The following COL23A1 variants were observed in gnomAD, a reference collection of about 807,000 sequenced individuals.
COL23A1 encodes the protein collagen type XXIII alpha 1 chain, also known as collagen alpha-1(XXIII) chain.
COL23A1 carries 97 observed loss-of-function variants against 99.3 expected under a neutral mutation model. The observed-to-expected ratio is 0.98, with a 90% confidence interval of 0.83 to 1.16. The LOEUF (loss-of-function observed/expected upper bound fraction) is 1.16. COL23A1 is among the 50% of genes most tolerant of loss of function. The probability of loss-of-function intolerance (pLI) is 0.00; values close to 1 mark genes in which losing one functional copy is unlikely to be tolerated. For synonymous variants in COL23A1, 320 were observed against 308.2 expected (o/e 1.04, Z -0.40); for missense variants, 762 against 757.4 (o/e 1.01, Z -0.07).
rs911196988 is a variant in COL23A1 at position 178,374,227 on chromosome 5, C to T, written c.362-67308G>A. 7.9e-5 allele frequency among the ~76,000 whole-genome samples: 12 copies of T among 152,250 alleles called. 1 individual carries two copies. The highest frequency in any genetic ancestry group is 2.6e-4 in the African/African-American group (11 of 41,534). On this transcript the variant is annotated intron_variant, in intron 2 of 28. Transcript: ENST00000390654. The stretch of plus-strand genomic sequence containing the variant: ...ATGCTCCGTGATAACCTGAGCCAAT[C>T]TTTGCTCCTCCCAGCCTCTGCACAC...
intron 2 of COL23A1, among the ~76,000 whole-genome samples, chr5:178,426,030 G>T (rs1056182768): frequency 6.6e-6 from 1 of 151,958 alleles, no homozygotes; most frequent in Non-Finnish European, 1.5e-5. Context: ...CTCCACAGCA[G>T]GGGGGGCAAC....
intron 2 of COL23A1, among the ~76,000 whole-genome samples, chr5:178,361,491 TCTC>T (rs2127703509): frequency 6.6e-6 from 1 of 152,078 alleles, no homozygotes; most frequent in South Asian, 2.1e-4. Context: ...TCTCCTCATG[TCTC>T]CTCACCATTC....
intron 2 of COL23A1, among the ~76,000 whole-genome samples, chr5:178,320,864 G>C (rs993407318): frequency 1.3e-5 from 2 of 152,194 alleles, no homozygotes; most frequent in African/African-American, 4.8e-5. Flanking sequence ...GGGGCCTTCT[G>C]TGGGCCTGGA....
chr5:178,266,800 C>G (rs1308445507), intron 8 of COL23A1, among the ~76,000 whole-genome samples: 2 of 152,240 alleles, frequency 1.3e-5, no homozygotes, highest in African/African-American at 4.8e-5. Flanking sequence ...AAGCTGCAGC[C>G]CCGCTCTCCG....
chr5:178,284,892 A>G (rs1757075968), intron 5 of COL23A1, among the ~76,000 whole-genome samples: 1 of 152,250 alleles, frequency 6.6e-6, no homozygotes. Flanking sequence ...GCAAACTTGG[A>G]TATAAGAAAT....
Position 178,468,778 on chromosome 5 carries a change from A to G in COL23A1, c.361+91904T>C, listed in dbSNP as rs2127925127. ...AAATATGCATAACATACAATTTCCC[A>G]TCTTCACCATTTTTACGGGTACAGC... On this transcript the variant is annotated intron_variant, in intron 2 of 28. Transcript: ENST00000390654. The surrounding 1 kb of genome is among the most constrained non-coding windows in gnomAD (Gnocchi z 4.2). 6.6e-6 allele frequency among the ~76,000 whole-genome samples: 1 copy of G among 152,334 alleles called. No individual in the cohort carries two copies. The highest frequency in any genetic ancestry group is 2.1e-4 in the South Asian group (1 of 4,828).
At chr5:178,406,297 T>C (rs1281951471) in intron 2 of COL23A1, among the ~76,000 whole-genome samples, 1 of 152,180 alleles carries the variant, frequency 6.6e-6, no homozygotes, top group Non-Finnish European at 1.5e-5. Context: ...TGAGGGATAC[T>C]GAGAAGGCAA....
intron 1 of COL23A1, among the ~76,000 whole-genome samples, chr5:178,585,680 A>T (rs2647707): frequency 1.3e-3 from 139 of 109,796 alleles, no homozygotes; most frequent in Middle Eastern, 6.2e-3. Context: ...ACAGCCCTGG[A>T]TGGCGCTGGG....
chr5:178,455,116 T>C (rs1339856589), intron 2 of COL23A1, among the ~76,000 whole-genome samples: 4 of 152,244 alleles, frequency 2.6e-5, no homozygotes, highest in Non-Finnish European at 5.9e-5. Flanking sequence ...TTCATTTAAC[T>C]CATTACATCT....
intron 2 of COL23A1, among the ~76,000 whole-genome samples, chr5:178,419,274 G>A (rs1415223746): frequency 6.6e-6 from 1 of 152,200 alleles, no homozygotes; most frequent in Non-Finnish European, 1.5e-5. Context: ...TTCTCGTCAA[G>A]GTTGACATTG....
chr5:178,569,795 C>T (rs1762999315), intron 1 of COL23A1, among the ~76,000 whole-genome samples: 1 of 152,124 alleles, frequency 6.6e-6, no homozygotes, highest in South Asian at 2.1e-4. Flanking sequence ...CTCTCAGTTC[C>T]CAGAGGCAGC....
At chr5:178,536,068 G>A (rs918889765) in intron 2 of COL23A1, among the ~76,000 whole-genome samples, 16 of 152,274 alleles carry the variant, frequency 1.1e-4, no homozygotes, top group African/African-American at 3.9e-4. Context: ...GATCTGGTCT[G>A]CCAGAGGCTG....
rs55752205 is a variant in COL23A1, at chr5:178,384,470, C to T, written c.362-77551G>A. Among the ~76,000 whole-genome samples the T allele has an allele frequency of 0.13, 20,283 of 152,170 alleles. 1,660 individuals carry two copies. The highest frequency in any genetic ancestry group is 0.27 in the South Asian group (1,289 of 4,812). On this transcript the variant is annotated intron_variant, in intron 2 of 28. Transcript: ENST00000390654. The surrounding 1 kb of genome is among the most constrained non-coding windows in gnomAD (Gnocchi z 5.5). Reference sequence around the variant, plus strand: ...AGACCTCTCCTCCCTGCCCACCCCTCCCTCGGCTTTTTGGAGGCCACGTGG... The same window carrying T: ...AGACCTCTCCTCCCTGCCCACCCCTTCCTCGGCTTTTTGGAGGCCACGTGG...
At chr5:178,432,160 A>G (rs556456288) in intron 2 of COL23A1, among the ~76,000 whole-genome samples, 3 of 152,350 alleles carry the variant, frequency 2.0e-5, no homozygotes, top group African/African-American at 7.2e-5. Context: ...AGCATTCTTC[A>G]AGGTAACTTA....
chr5:178,243,236 C>T (rs923173333), intron 25 of COL23A1, among the ~76,000 whole-genome samples: 9 of 151,846 alleles, frequency 5.9e-5, no homozygotes, highest in Non-Finnish European at 8.8e-5. Context: ...GCCTGTAATC[C>T]TAGCACTTTG....
At chr5:178,261,501 T>G (rs1446715473) in intron 11 of COL23A1, among the ~76,000 whole-genome samples, 4 of 152,098 alleles carry the variant, frequency 2.6e-5, no homozygotes, top group Admixed American at 2.6e-4. Flanking sequence ...CAACTCAGTG[T>G]GAAAAAGGCA....
chr5:178,586,311 A>G (rs1021877456), intron 1 of COL23A1, among the ~76,000 whole-genome samples: 1 of 152,220 alleles, frequency 6.6e-6, no homozygotes, highest in Non-Finnish European at 1.5e-5. Context: ...TGACCACACT[A>G]TCAGAGGAGA....
intron 2 of COL23A1, among the ~76,000 whole-genome samples, chr5:178,347,209 G>A (rs1290560642): frequency 6.6e-6 from 1 of 152,124 alleles, no homozygotes; most frequent in East Asian, 1.9e-4. Flanking sequence ...AGGTGGCCGT[G>A]GAACACCTGA....
chr5:178,495,015 G>C (rs1758125055), intron 2 of COL23A1, among the ~76,000 whole-genome samples: 1 of 152,200 alleles, frequency 6.6e-6, no homozygotes, highest in South Asian at 2.1e-4. Context: ...GTCAGATGTG[G>C]GTCTCGCAAA....
Sources: allele counts gnomAD v4.1 joint callset (sites outside exome capture counted in the v4.1 genomes callset), GRCh38; gene constraint gnomAD v4.1.1; non-coding constraint Gnocchi (gnomAD v3.1); transcripts MANE v1.5; gene names NCBI Gene and HGNC (gene_info 2026-07-23, HGNC 2026-07-21).